NELL1: variants seen among roughly 807,000 people sequenced by gnomAD.
NELL1 encodes the protein neural EGFL like 1.
In NELL1, 76 loss-of-function variants were observed where a neutral mutation model predicts 107.4. The observed-to-expected ratio is 0.71, with a 90% CI of 0.59 to 0.86. The LOEUF (loss-of-function observed/expected upper bound fraction) is 0.86, where lower values mean the gene tolerates loss of function less well. NELL1 is among the 40% of genes least tolerant of loss of function. The probability of loss-of-function intolerance (pLI) is 0.00; values close to 1 mark genes in which losing one functional copy is unlikely to be tolerated. For synonymous variants in NELL1, 353 were observed against 341.2 expected, an observed-to-expected ratio of 1.03 and a Z score of -0.38; for missense variants, 1,024 against 1,005.5, an observed-to-expected ratio of 1.02 and a Z score of -0.25.
intron 14 of NELL1, among the ~76,000 whole-genome samples, chr11:21,363,415 T>G (rs184863361): frequency 6.6e-6 from 1 of 152,308 alleles, no homozygotes; most frequent in Non-Finnish European, 1.5e-5. Context: ...AGAGGTAGGT[T>G]TTTCCCCCTT....
chr11:20,797,370 C>A (rs1266951350), intron 3 of NELL1, among the ~76,000 whole-genome samples: 1 of 151,806 alleles, frequency 6.6e-6, no homozygotes, highest in Non-Finnish European at 1.5e-5. Flanking sequence ...CGAGACCATC[C>A]TGGCTAACAC....
At chr11:21,412,144 A>G (rs148069434) in intron 15 of NELL1, among the ~76,000 whole-genome samples, 325 of 152,238 alleles carry the variant, frequency 2.1e-3, no homozygotes, top group African/African-American at 7.1e-3. Context: ...TTGTTTTCAA[A>G]ACAGATTAAT....
intron 12 of NELL1, among the ~76,000 whole-genome samples, chr11:21,048,543 A>G (rs1853412189): frequency 6.6e-6 from 1 of 151,992 alleles, no homozygotes; most frequent in Admixed American, 6.6e-5. Context: ...TCCCTCTTAC[A>G]GGAGAGGAGT....
chr11:21,257,336 A>C (rs963190553), intron 14 of NELL1, among the ~76,000 whole-genome samples: 4 of 152,022 alleles, frequency 2.6e-5, no homozygotes, highest in Admixed American at 2.0e-4. Flanking sequence ...GGATTTGGAA[A>C]TTTCAAGGAA....
At chr11:20,833,843 T>C (rs1371373976) in intron 3 of NELL1, among the ~76,000 whole-genome samples, 1 of 152,118 alleles carries the variant, frequency 6.6e-6, no homozygotes, top group East Asian at 1.9e-4. Flanking sequence ...GTGGTATGTT[T>C]GAAGACTTGA....
intron 12 of NELL1, among the ~76,000 whole-genome samples, chr11:20,964,242 G>A (rs1294841551): frequency 6.6e-6 from 1 of 152,020 alleles, no homozygotes; most frequent in Non-Finnish European, 1.5e-5. Flanking sequence ...TAGTGTCTGA[G>A]GAAAGTATAG....
intron 14 of NELL1, among the ~76,000 whole-genome samples, chr11:21,319,880 C>T (rs1051556020): frequency 5.9e-5 from 9 of 151,972 alleles, no homozygotes; most frequent in African/African-American, 2.2e-4. Flanking sequence ...GCCTTATGAC[C>T]TGCTTTAGAC....
In NELL1 at chr11:21,526,634, C is replaced by T. The variant is rs192603597; in HGVS notation, c.1646-7740C>T. On this transcript the variant is annotated intron_variant, in intron 15 of 19. Coordinates refer to ENST00000357134, the MANE Select transcript of NELL1 (RefSeq NM_006157.5). ...TTCCGTACATCCTCTGAAATCTAGGCGATGGTTCCCAAACCTCAATTCTTG... is the reference window on the plus strand; with the variant it reads ...TTCCGTACATCCTCTGAAATCTAGGTGATGGTTCCCAAACCTCAATTCTTG... Among the ~76,000 whole-genome samples, 1,004 of 152,326 alleles carry T rather than the reference C, an allele frequency of 6.6e-3. 3 individuals carry two copies. The highest frequency in any genetic ancestry group is 0.014 in the Admixed American group (218 of 15,298).
At chr11:20,737,962 G>T (rs1855799939) in intron 2 of NELL1, among the ~76,000 whole-genome samples, 1 of 149,968 alleles carries the variant, frequency 6.7e-6, no homozygotes, top group South Asian at 2.2e-4. Context: ...CTAGATATAA[G>T]GGCCCTGAGT....
intron 15 of NELL1, among the ~76,000 whole-genome samples, chr11:21,452,823 T>C (rs941277707): frequency 1.8e-4 from 27 of 151,994 alleles, no homozygotes; most frequent in Non-Finnish European, 7.4e-5. Flanking sequence ...TTTTAATCAC[T>C]GGTCTCACAA....
At chr11:20,914,054 G>C (rs1850192691) in intron 5 of NELL1, among the ~76,000 whole-genome samples, 1 of 152,044 alleles carries the variant, frequency 6.6e-6, no homozygotes. Context: ...ATGTTAAGGG[G>C]ATCCCTTAAA....
At chr11:20,911,815 C>T (rs1850138415) in intron 5 of NELL1, among the ~76,000 whole-genome samples, 3 of 152,152 alleles carry the variant, frequency 2.0e-5, no homozygotes, top group African/African-American at 7.2e-5. Context: ...ATCCTGGATG[C>T]CAGGCAGTGC....
chr11:21,351,143 C>G (rs140778195), intron 14 of NELL1, among the ~76,000 whole-genome samples: 7 of 152,068 alleles, frequency 4.6e-5, no homozygotes, highest in African/African-American at 1.2e-4. Flanking sequence ...ATGCTACAAG[C>G]CAAGGAATAT....
At chr11:21,149,110 T>A (rs1856053064) in intron 13 of NELL1, among the ~76,000 whole-genome samples, 1 of 152,194 alleles carries the variant, frequency 6.6e-6, no homozygotes, top group Admixed American at 6.5e-5. Flanking sequence ...ATAACCATAT[T>A]ATTGTTAAAA....
chr11:21,510,088 T>G, intron 15 of NELL1, among the ~76,000 whole-genome samples: 1 of 152,278 alleles, frequency 6.6e-6, no homozygotes, highest in South Asian at 2.1e-4. Flanking sequence ...GGCACTTGAG[T>G]TGAATGGCAA....
intron 15 of NELL1, among the ~76,000 whole-genome samples, chr11:21,419,536 C>T (rs1012852787): frequency 7.9e-5 from 12 of 152,198 alleles, no homozygotes; most frequent in South Asian, 4.1e-4. Flanking sequence ...TTGTCATCAA[C>T]GGCATGTACC....
At chr11:20,988,227 C>A (rs535983183) in intron 12 of NELL1, among the ~76,000 whole-genome samples, 3 of 152,008 alleles carry the variant, frequency 2.0e-5, no homozygotes, top group Non-Finnish European at 4.4e-5. Context: ...TACTAAGAGC[C>A]CTTCTTCTGG....
chr11:21,358,885 A>G (rs1430104758), intron 14 of NELL1, among the ~76,000 whole-genome samples: 1 of 151,936 alleles, frequency 6.6e-6, no homozygotes, highest in Non-Finnish European at 1.5e-5. Context: ...AGCTTTTTGG[A>G]TGAGTTTTTA....
At chr11:20,782,668 C>T (rs1371960521) in intron 2 of NELL1, among the ~76,000 whole-genome samples, 2 of 152,178 alleles carry the variant, frequency 1.3e-5, no homozygotes, top group Non-Finnish European at 2.9e-5. Context: ...CCATGTAGTC[C>T]TGGAGAAATA....
Sources: gnomAD v4.1 joint callset for allele counts (sites outside exome capture counted in the v4.1 genomes callset) on GRCh38, gnomAD v4.1.1 for gene constraint, MANE v1.5 for transcripts, NCBI Gene and HGNC (gene_info 2026-07-23, HGNC 2026-07-21) for gene names.